MOSPD2: variants seen among roughly 807,000 people sequenced by gnomAD.
The protein encoded by MOSPD2 is motile sperm domain containing 2.
MOSPD2 carries 5 observed loss-of-function variants against 41.7 expected under a neutral mutation model. The observed-to-expected ratio is 0.12, with a 90% confidence interval of 0.06 to 0.25. The LOEUF (loss-of-function observed/expected upper bound fraction) is 0.25. MOSPD2 is among the 10% of genes least tolerant of loss of function. MOSPD2 has a pLI of 1.00. For missense variants in MOSPD2, 282 were observed against 375.2 expected (o/e 0.75, Z 2.05); for synonymous variants, 115 against 126.9 (o/e 0.91, Z 0.63).
intron 2 of MOSPD2, among the ~76,000 whole-genome samples, chrX:14,885,022 G>A (rs1417611864): frequency 9.0e-6 from 1 of 111,496 alleles, no homozygotes; most frequent in Non-Finnish European, 1.9e-5. Flanking sequence ...AATAGAACTA[G>A]CAGGCAAGAA....
chrX:14,910,760 C>T (rs960588070), intron 8 of MOSPD2, among the ~76,000 whole-genome samples: 1 of 111,616 alleles, frequency 9.0e-6, no homozygotes, highest in Non-Finnish European at 1.9e-5. Context: ...TTTTTGTAGT[C>T]ATTGCCAGTC....
intron 8 of MOSPD2, among the ~76,000 whole-genome samples, chrX:14,910,223 A>G (rs1406554774): frequency 1.8e-5 from 2 of 110,899 alleles, no homozygotes; most frequent in Non-Finnish European, 3.8e-5. Context: ...AAAGTATAAC[A>G]GTACCATGAA....
At chrX:14,912,529 G>A in intron 10 of MOSPD2, among the ~76,000 whole-genome samples, 168 bp downstream of exon 10, 1 of 111,709 alleles carries the variant, frequency 9.0e-6, no homozygotes, top group Non-Finnish European at 1.9e-5. Flanking sequence ...CATATGTTTA[G>A]CTACCTTGCT....
Position 14,911,351 on chromosome X carries a change from A to G in MOSPD2, c.817A>G (p.Ser273Gly), listed in dbSNP as rs1323315172. The G allele has an allele frequency of 3.0e-5, 36 of 1,201,290 alleles. No homozygotes were observed. The highest frequency in any genetic ancestry group is 3.8e-5 in the Non-Finnish European group (34 of 890,217). The change falls in exon 9 of 15, where the codon AGT (serine) becomes GGT (glycine). Residue 273 changes from serine (S) to glycine (G), a missense_variant. Coordinates refer to ENST00000380492, the MANE Select transcript of MOSPD2 (RefSeq NM_152581.4). ...AACTTCAAGTAAAGAAGACATAGAA[A>G]GTGATGGCAAAGAAACATTGGAAAC... ...DETSSKEDIE[S>G]DGKETLETIS...
At chrX:14,911,112 T>G (rs1394368398) in intron 8 of MOSPD2, 125 bp from the exon 9 acceptor site, 1 of 589,933 alleles carries the variant, frequency 1.7e-6, no homozygotes, top group East Asian at 3.6e-5. Flanking sequence ...ATGCTTCCTT[T>G]ATTTTAAATT....
intron 2 of MOSPD2, among the ~76,000 whole-genome samples, chrX:14,883,097 A>G (rs1352440795): frequency 9.0e-6 from 1 of 110,503 alleles, no homozygotes; most frequent in East Asian, 2.9e-4. Context: ...CGGGAGGCTG[A>G]GGCAGAGGAT....
At chrX:14,899,268 T>A (rs1317621922) in intron 5 of MOSPD2, among the ~76,000 whole-genome samples, 1 of 108,479 alleles carries the variant, frequency 9.2e-6, no homozygotes, top group African/African-American at 3.3e-5. Context: ...CATCTTATCA[T>A]ATCCACTTGA....
chrX:14,917,983 G>GA (rs766698197), intron 13 of MOSPD2, among the ~76,000 whole-genome samples: 41 of 112,269 alleles, frequency 3.7e-4, no homozygotes, highest in Middle Eastern at 4.6e-3. Context: ...GGGAGAAGCA[G>GA]ATGGAAGTCA....
intron 11 of MOSPD2, among the ~76,000 whole-genome samples, chrX:14,914,997 G>A (rs952178864): frequency 7.2e-5 from 8 of 111,374 alleles, no homozygotes; most frequent in African/African-American, 1.6e-4. Flanking sequence ...AGTTTATATC[G>A]GATATTAACC....
At chrX:14,894,724 T>A (rs938407308) in intron 3 of MOSPD2, among the ~76,000 whole-genome samples, 1 of 111,013 alleles carries the variant, frequency 9.0e-6, no homozygotes, top group Non-Finnish European at 1.9e-5. Context: ...CCCAAAGTGC[T>A]GGGATTACAT....
At chrX:14,902,316 T>A (rs1309825101) in intron 6 of MOSPD2, among the ~76,000 whole-genome samples, 2 of 111,874 alleles carry the variant, frequency 1.8e-5, no homozygotes, top group African/African-American at 6.5e-5. Flanking sequence ...AAATCTTCTT[T>A]GCAGTTTCTG....
Position 14,919,943 on chromosome X carries a change from G to A in MOSPD2, c.*134G>A. On this transcript the variant is annotated 3_prime_UTR_variant, in exon 15 of 15. Transcript: ENST00000380492. The stretch of plus-strand genomic sequence containing the variant: ...AAAAGGAAATATGCAGCACGTGGAG[G>A]GGAACACATACATGTCTTGAAAATA... The A allele has an allele frequency of 9.4e-7, 1 of 1,068,206 alleles. No homozygotes were observed. Among genetic ancestry groups the A allele is most frequent in the Non-Finnish European group, 1.2e-6 (1 of 829,253 alleles). 88.0% of individuals were successfully genotyped at this position (1,068,206 alleles called of 1,213,427 possible). A position where few individuals can be genotyped will look rare whatever the true frequency, so the allele number is the denominator to read the frequency against.
At position 14,910,841 on chromosome X, in the gene MOSPD2, T is replaced by A. The variant is rs150329782; in HGVS notation, c.703-396T>A. On this transcript the variant is annotated intron_variant, in intron 8 of 14. Coordinates refer to ENST00000380492, the MANE Select transcript of MOSPD2 (RefSeq NM_152581.4). Reference sequence around the variant, plus strand: ...ATTATAGGTGATGTTGAAAACTTTCTTATGATTCAAAAGACAATTTTCATT... The same window carrying A: ...ATTATAGGTGATGTTGAAAACTTTCATATGATTCAAAAGACAATTTTCATT... Among the ~76,000 whole-genome samples, 56 of 111,410 alleles carry A rather than the reference T, an allele frequency of 5.0e-4. No homozygotes were observed. In the East Asian group the frequency reaches 0.015, roughly 31 times the overall value.
chrX:14,880,564 A>T (rs950304001), intron 2 of MOSPD2, among the ~76,000 whole-genome samples: 1 of 112,006 alleles, frequency 8.9e-6, no homozygotes, highest in East Asian at 2.8e-4. Flanking sequence ...TGATAGAAAG[A>T]TAGCTCTGAA....
rs201598747 is a variant in MOSPD2, at chrX:14,890,551, T to TA, written c.80-2171dup. ...AAAGCCATATCCAAAGCAGCACTCT[T>TA]ACAAATGCATGATTTATGGCCTCTT... is the stretch of plus-strand genomic sequence containing the variant. On this transcript the variant is annotated intron_variant, in intron 2 of 14. Transcript: ENST00000380492. Among the ~76,000 whole-genome samples the TA allele has an allele frequency of 7.6e-3, 852 of 112,119 alleles. 12 individuals are homozygous for TA. The highest frequency in any genetic ancestry group is 0.025 in the African/African-American group (788 of 30,909).
At chrX:14,903,110 G>C (rs2092575904) in intron 7 of MOSPD2, 106 bp downstream of exon 7, 1 of 536,964 alleles carries the variant, frequency 1.9e-6, no homozygotes, top group African/African-American at 2.3e-5. Flanking sequence ...ATTGTCCTTT[G>C]CATGCTCTCT....
At chrX:14,883,838 A>G (rs1301890416) in intron 2 of MOSPD2, among the ~76,000 whole-genome samples, 1 of 112,167 alleles carries the variant, frequency 8.9e-6, no homozygotes, top group Non-Finnish European at 1.9e-5. Flanking sequence ...AATCATTGAC[A>G]GTTACCCAGA....
chrX:14,899,565 T>TAC (rs59555716), intron 5 of MOSPD2, among the ~76,000 whole-genome samples: 3,136 of 80,983 alleles, frequency 0.039, 55 homozygotes, highest in East Asian at 0.08. Context: ...ATTATATACA[T>TAC]ACACACACAC....
chrX:14,875,441 A>G (rs2092518276), intron 2 of MOSPD2, among the ~76,000 whole-genome samples: 1 of 111,871 alleles, frequency 8.9e-6, no homozygotes, highest in African/African-American at 3.3e-5. Flanking sequence ...AGATTTGACC[A>G]CCGTTCAAAG....
Sources: gnomAD v4.1 joint callset for allele counts (sites outside exome capture counted in the v4.1 genomes callset) on GRCh38, gnomAD v4.1.1 for gene constraint, MANE v1.5 for transcripts, NCBI Gene and HGNC (gene_info 2026-07-23, HGNC 2026-07-21) for gene names.